ADIPOR2: variants seen among roughly 807,000 people sequenced by gnomAD.
The protein encoded by ADIPOR2 is adiponectin receptor protein 2.
Under a neutral mutation model 40.9 loss-of-function variants are expected in ADIPOR2, and 18 were observed. The observed-to-expected ratio is 0.44, with a 90% CI of 0.30 to 0.65. The LOEUF (loss-of-function observed/expected upper bound fraction) is 0.65, where lower values mean the gene tolerates loss of function less well. ADIPOR2 is among the 30% of genes least tolerant of loss of function. The probability of loss-of-function intolerance (pLI) is 0.09; values close to 1 mark genes in which losing one functional copy is unlikely to be tolerated. For synonymous variants in ADIPOR2, 165 were observed against 166.4 expected, an observed-to-expected ratio of 0.99 and a Z score of 0.06; for missense variants, 283 against 479.2, an observed-to-expected ratio of 0.59 and a Z score of 3.82.
intron 1 of ADIPOR2, among the ~76,000 whole-genome samples, chr12:1,728,601 G>GTAA (rs2154442431): frequency 6.6e-6 from 1 of 151,714 alleles, no homozygotes; most frequent in East Asian, 2.0e-4. Flanking sequence ...GTGGGCGCCT[G>GTAA]TAATCCCAGC....
intron 1 of ADIPOR2, among the ~76,000 whole-genome samples, chr12:1,702,404 A>G (rs755957641): frequency 2.6e-5 from 4 of 152,174 alleles, no homozygotes; most frequent in Admixed American, 6.6e-5. Context: ...GTCACTTTGC[A>G]TATTTTAGCA....
At chr12:1,702,052 G>A (rs2094651261) in intron 1 of ADIPOR2, among the ~76,000 whole-genome samples, 1 of 152,084 alleles carries the variant, frequency 6.6e-6, no homozygotes, top group African/African-American at 2.4e-5. Flanking sequence ...AACCTGGGAG[G>A]CAGAGGTTTC....
intron 2 of ADIPOR2, among the ~76,000 whole-genome samples, chr12:1,761,598 C>G (rs1326157063): frequency 6.6e-6 from 1 of 152,162 alleles, no homozygotes; most frequent in Non-Finnish European, 1.5e-5. Flanking sequence ...AGCTCTTGAG[C>G]TTTTATGAAG....
At chr12:1,730,882 A>G (rs1022284426) in intron 1 of ADIPOR2, 22 of 137,814 alleles carry the variant, frequency 1.6e-4, no homozygotes, top group African/African-American at 5.3e-4. Flanking sequence ...TGATTATGTA[A>G]AAGTTTAAGT....
At chr12:1,739,185 T>C (rs984495729) in intron 1 of ADIPOR2, among the ~76,000 whole-genome samples, 2 of 152,184 alleles carry the variant, frequency 1.3e-5, no homozygotes, top group Non-Finnish European at 1.5e-5. Flanking sequence ...GCTCTGAACA[T>C]AAAAAATGAT....
intron 1 of ADIPOR2, among the ~76,000 whole-genome samples, chr12:1,733,046 C>T (rs1166018020): frequency 1.3e-5 from 2 of 152,138 alleles, no homozygotes; most frequent in East Asian, 3.8e-4. Context: ...GTTAGATTTA[C>T]AGTGGAGGTT....
chr12:1,783,548 G>A (rs1171989308), intron 6 of ADIPOR2, among the ~76,000 whole-genome samples: 5 of 151,970 alleles, frequency 3.3e-5, no homozygotes, highest in African/African-American at 4.8e-5. Flanking sequence ...ACAGGAGTGC[G>A]CTACCACGCC....
intron 1 of ADIPOR2, among the ~76,000 whole-genome samples, chr12:1,739,929 C>T (rs955844928): frequency 5.3e-5 from 8 of 152,034 alleles, no homozygotes; most frequent in Non-Finnish European, 1.0e-4. Flanking sequence ...GGTGAAACCC[C>T]GTCTCTACTA....
chr12:1,692,400 T>A (rs1434949012), intron 1 of ADIPOR2, among the ~76,000 whole-genome samples: 1 of 152,244 alleles, frequency 6.6e-6, no homozygotes, highest in Non-Finnish European at 1.5e-5. Flanking sequence ...ATTGTGATGA[T>A]CTGCAACTAA....
intron 1 of ADIPOR2, among the ~76,000 whole-genome samples, chr12:1,750,597 T>G (rs2094767090): frequency 6.6e-6 from 1 of 152,080 alleles, no homozygotes; most frequent in Admixed American, 6.6e-5. Context: ...TGATTGATAT[T>G]TGAGTGTTGA....
At chr12:1,706,647 G>A (rs571278550) in intron 1 of ADIPOR2, among the ~76,000 whole-genome samples, 30 of 152,096 alleles carry the variant, frequency 2.0e-4, no homozygotes, top group Non-Finnish European at 7.4e-5. Flanking sequence ...TTTTAGGGGT[G>A]CAGTTAGATG....
intron 1 of ADIPOR2, among the ~76,000 whole-genome samples, chr12:1,749,092 G>A (rs984926413): frequency 6.6e-5 from 10 of 152,254 alleles, no homozygotes; most frequent in South Asian, 4.2e-4. Flanking sequence ...ACTTATTTAC[G>A]CTTACTAGTT....
At chr12:1,761,487 G>A (rs917298266) in intron 2 of ADIPOR2, among the ~76,000 whole-genome samples, 1 of 152,170 alleles carries the variant, frequency 6.6e-6, no homozygotes, top group African/African-American at 2.4e-5. Flanking sequence ...CCAACAATGT[G>A]TGGGGGTTCC....
intron 1 of ADIPOR2, among the ~76,000 whole-genome samples, chr12:1,741,518 A>C (rs1478562490): frequency 6.6e-6 from 1 of 152,236 alleles, no homozygotes; most frequent in African/African-American, 2.4e-5. Flanking sequence ...TAGTGTTAGC[A>C]AATCAGATAG....
intron 1 of ADIPOR2, among the ~76,000 whole-genome samples, chr12:1,743,810 G>A (rs2094748921): frequency 6.6e-6 from 1 of 152,114 alleles, no homozygotes. Context: ...TCTTGCATTT[G>A]ATGAATAGGC....
In ADIPOR2 at chr12:1,747,803, T is replaced by A. The variant is rs113427746; in HGVS notation, c.-86-6455T>A. Among the ~76,000 whole-genome samples the A allele has an allele frequency of 2.8e-3, 419 of 152,250 alleles. 4 individuals carry two copies. Among genetic ancestry groups the A allele is most frequent in the East Asian group, 0.02 (104 of 5,184 alleles). ...GAAGTCAGCTGCTAATCTTACTGGG[T>A]TCCATTTTAAAATAATGAGTCGTTT... On this transcript the variant is annotated intron_variant, in intron 1 of 7. Coordinates refer to ENST00000357103, the MANE Select transcript of ADIPOR2 (RefSeq NM_024551.3).
intron 1 of ADIPOR2, among the ~76,000 whole-genome samples, chr12:1,750,832 T>C (rs1420974270): frequency 6.6e-6 from 1 of 152,158 alleles, no homozygotes; most frequent in Non-Finnish European, 1.5e-5. Context: ...ATTTTTTCTT[T>C]AGTTGATTCT....
intron 1 of ADIPOR2, among the ~76,000 whole-genome samples, chr12:1,707,793 G>C (rs2094666521): frequency 6.6e-6 from 1 of 152,114 alleles, no homozygotes; most frequent in South Asian, 2.1e-4. Flanking sequence ...TTTTCTGATA[G>C]CAAATGATGT....
At chr12:1,757,512 T>C in intron 2 of ADIPOR2, 1 of 777,300 alleles carries the variant, frequency 1.3e-6, no homozygotes, top group African/African-American at 1.7e-5. Flanking sequence ...CTTGATGAAA[T>C]TGGTAATCTT....
Sources: allele counts gnomAD v4.1 joint callset (sites outside exome capture counted in the v4.1 genomes callset), GRCh38; gene constraint gnomAD v4.1.1; transcripts MANE v1.5; gene names NCBI Gene and HGNC (gene_info 2026-07-23, HGNC 2026-07-21).